Variants in PPP3CC observed in about 807,000 individuals in gnomAD.
PPP3CC encodes the protein serine/threonine-protein phosphatase 2B catalytic subunit gamma isoform.
PPP3CC carries 35 observed loss-of-function variants against 60.3 expected under a neutral mutation model. That is an observed-to-expected ratio of 0.58 (90% CI 0.44 to 0.77). The LOEUF (loss-of-function observed/expected upper bound fraction) is 0.77. PPP3CC is among the 30% of genes least tolerant of loss of function. PPP3CC has a pLI of 0.00. For synonymous variants in PPP3CC, 206 were observed against 224.3 expected (o/e 0.92, Z 0.73); for missense variants, 570 against 628.9 (o/e 0.91, Z 1.00).
At chr8:22,533,147 G>T (rs1315295480) in intron 12 of PPP3CC, 129 bp downstream of exon 12, 2 of 586,438 alleles carry the variant, frequency 3.4e-6, no homozygotes, top group Non-Finnish European at 5.5e-6. Context: ...GCGGGGAAAT[G>T]AATCTTCACC....
chr8:22,484,569 G>A (rs1434052847), intron 3 of PPP3CC, among the ~76,000 whole-genome samples: 1 of 152,198 alleles, frequency 6.6e-6, no homozygotes, highest in African/African-American at 2.4e-5. Flanking sequence ...GAGTAAAGTA[G>A]TTTGAGTCAG....
At chr8:22,531,252 C>T (rs1839708213) in intron 10 of PPP3CC, 1 of 1,474,698 alleles carries the variant, frequency 6.8e-7, no homozygotes, top group Middle Eastern at 1.7e-4. Flanking sequence ...TTTCTCTTCT[C>T]ATATTTCTGT....
intron 1 of PPP3CC, among the ~76,000 whole-genome samples, chr8:22,442,827 A>G (rs997767680): frequency 3.9e-5 from 6 of 152,294 alleles, no homozygotes; most frequent in East Asian, 1.9e-4. Flanking sequence ...TGCTGTTAAT[A>G]TGGCCGGTGC....
chr8:22,489,512 A>G (rs1275154758), intron 3 of PPP3CC, among the ~76,000 whole-genome samples: 8 of 149,292 alleles, frequency 5.4e-5, no homozygotes, highest in African/African-American at 2.0e-4. Flanking sequence ...GGGATCTAAC[A>G]TGGAGATGCA....
At chr8:22,465,953 C>T (rs948752327) in intron 1 of PPP3CC, among the ~76,000 whole-genome samples, 1 of 152,082 alleles carries the variant, frequency 6.6e-6, no homozygotes, top group Admixed American at 6.6e-5. Flanking sequence ...TCATCATTTA[C>T]ATTAGGTATT....
chr8:22,493,773 A>G (rs1233826508), intron 3 of PPP3CC, among the ~76,000 whole-genome samples: 1 of 152,190 alleles, frequency 6.6e-6, no homozygotes, highest in East Asian at 1.9e-4. Flanking sequence ...ATGTTTTACA[A>G]TGAGCCTTTT....
intron 10 of PPP3CC, chr8:22,531,187 TTCTC>T (rs905003011): frequency 1.7e-5 from 17 of 977,392 alleles, no homozygotes; most frequent in African/African-American, 3.2e-5. Flanking sequence ...AATAGCCTGT[TTCTC>T]TCATTGCATT....
intron 1 of PPP3CC, among the ~76,000 whole-genome samples, chr8:22,470,059 T>C (rs199554392): frequency 0.042 from 6,148 of 146,028 alleles, 134 homozygotes; most frequent in African/African-American, 0.053. Context: ...TATATATATA[T>C]ACACACACAC....
intron 3 of PPP3CC, among the ~76,000 whole-genome samples, chr8:22,482,348 G>A (rs1303192423): frequency 6.6e-6 from 1 of 152,080 alleles, no homozygotes; most frequent in Non-Finnish European, 1.5e-5. Flanking sequence ...AGAAGTGTCT[G>A]TTCATATCCT....
intron 3 of PPP3CC, among the ~76,000 whole-genome samples, chr8:22,480,272 T>C (rs190809769): frequency 3.3e-4 from 51 of 152,312 alleles, no homozygotes; most frequent in African/African-American, 1.1e-3. Flanking sequence ...TTATACAATT[T>C]TTATGAGTTA....
chr8:22,511,385 G>T (rs1485210968), intron 5 of PPP3CC, among the ~76,000 whole-genome samples, 154 bp downstream of exon 5: 1 of 152,002 alleles, frequency 6.6e-6, no homozygotes, highest in African/African-American at 2.4e-5. Context: ...CGCCTCCCTG[G>T]TTCAGCCTCC....
chr8:22,497,884 T>C (rs1203269340), intron 3 of PPP3CC, 117 bp from the exon 4 acceptor site: 1 of 645,924 alleles, frequency 1.5e-6, no homozygotes, highest in East Asian at 2.9e-5. Flanking sequence ...GTTTCATTTT[T>C]CAATTTGGGA....
intron 3 of PPP3CC, among the ~76,000 whole-genome samples, chr8:22,477,482 A>AAGAAAG (rs1554532223): frequency 6.9e-6 from 1 of 145,978 alleles, no homozygotes; most frequent in African/African-American, 2.6e-5. Context: ...TCAAAAAAAA[A>AAGAAAG]AAAGAAAGAA....
At chr8:22,490,917 T>C (rs1346008486) in intron 3 of PPP3CC, among the ~76,000 whole-genome samples, 1 of 152,188 alleles carries the variant, frequency 6.6e-6, no homozygotes, top group Non-Finnish European at 1.5e-5. Context: ...TAAACATATG[T>C]GTGCATGTGT....
At chr8:22,462,548 G>T (rs1259069925) in intron 1 of PPP3CC, among the ~76,000 whole-genome samples, 1 of 151,838 alleles carries the variant, frequency 6.6e-6, no homozygotes, top group African/African-American at 2.4e-5. Context: ...CAGGCACCAG[G>T]CCATTTTGTT....
rs545235949 is a variant in PPP3CC, at chr8:22,466,921, A to T, written c.50-8033A>T. ...CACACCTGGATAATTTAAAAAAAAA[A>T]TTTTGTAGAGATGGGGGTCTCACCA... On this transcript the variant is annotated intron_variant, in intron 1 of 13. Coordinates refer to ENST00000240139, the MANE Select transcript of PPP3CC (RefSeq NM_005605.5). 4.2e-3 allele frequency among the ~76,000 whole-genome samples: 633 copies of T among 150,696 alleles called. 1 individual carries two copies. Among genetic ancestry groups the T allele is most frequent in the Middle Eastern group, 0.01 (3 of 294 alleles).
Position 22,497,993 on chromosome 8 carries a change from T to C in PPP3CC, c.373-8T>C. On this transcript the variant is annotated splice_region_variant and splice_polypyrimidine_tract_variant and intron_variant, in intron 3 of 13. Transcript: ENST00000240139. Reference sequence around the variant, plus strand: ...AAAGAAAATTTTATGCTTGAATTTGTCTTGTAGTGTGTGCTGTATTTATGG... The same window carrying C: ...AAAGAAAATTTTATGCTTGAATTTGCCTTGTAGTGTGTGCTGTATTTATGG... 2 of 1,580,010 alleles carry C rather than the reference T, an allele frequency of 1.3e-6. No individual in the cohort carries two copies. The highest frequency in any genetic ancestry group is 1.8e-5 in the Admixed American group (1 of 55,822).
At chr8:22,526,411 A>G (rs911156208) in intron 8 of PPP3CC, among the ~76,000 whole-genome samples, 1 of 152,190 alleles carries the variant, frequency 6.6e-6, no homozygotes, top group Non-Finnish European at 1.5e-5. Context: ...TAAAATACAT[A>G]CACGTGAAAA....
At chr8:22,449,315 G>A (rs1165988950) in intron 1 of PPP3CC, among the ~76,000 whole-genome samples, 1 of 151,740 alleles carries the variant, frequency 6.6e-6, no homozygotes, top group East Asian at 1.9e-4. Flanking sequence ...CAGGTGTGGT[G>A]GCCTGCACCT....
Sources: gnomAD v4.1 joint callset for allele counts (sites outside exome capture counted in the v4.1 genomes callset) on GRCh38, gnomAD v4.1.1 for gene constraint, MANE v1.5 for transcripts, NCBI Gene and HGNC (gene_info 2026-07-23, HGNC 2026-07-21) for gene names.